PRKCA: variants seen among roughly 807,000 people sequenced by gnomAD.
PRKCA encodes the protein protein kinase C alpha.
PRKCA carries 27 observed loss-of-function variants against 87.0 expected under a neutral mutation model. The observed-to-expected ratio is 0.31, with a 90% CI of 0.23 to 0.43. The LOEUF (loss-of-function observed/expected upper bound fraction) is 0.43, where lower values mean the gene tolerates loss of function less well. Among genes scored for constraint, PRKCA ranks in the 20% least tolerant of loss-of-function variants. The pLI, the probability that PRKCA is intolerant of heterozygous loss-of-function variation, is 1.00. For missense variants in PRKCA, 518 were observed against 852.3 expected, an observed-to-expected ratio of 0.61 and a Z score of 4.88; for synonymous variants, 329 against 311.1, an observed-to-expected ratio of 1.06 and a Z score of -0.61.
At chr17:66,679,464 G>A (rs1972431569) in intron 5 of PRKCA, among the ~76,000 whole-genome samples, 6 of 152,176 alleles carry the variant, frequency 3.9e-5, no homozygotes, top group Admixed American at 3.9e-4. Context: ...TACAGGTTGA[G>A]CCACCGTGCC....
At chr17:66,715,739 T>A (rs1301895834) in intron 8 of PRKCA, among the ~76,000 whole-genome samples, 3 of 152,212 alleles carry the variant, frequency 2.0e-5, no homozygotes, top group Admixed American at 6.5e-5. Context: ...ATACAGTTTT[T>A]TTTTTGCATC....
At chr17:66,787,289 A>G (rs941519516) in intron 15 of PRKCA, 29 of 451,416 alleles carry the variant, frequency 6.4e-5, no homozygotes, top group Non-Finnish European at 1.2e-4. Context: ...GCAGTGTTCC[A>G]CTGTGTGAAC....
chr17:66,751,946 G>T (rs886779576), intron 13 of PRKCA, among the ~76,000 whole-genome samples: 11 of 152,256 alleles, frequency 7.2e-5, no homozygotes, highest in Non-Finnish European at 2.9e-5. Context: ...CTAGGCGGAT[G>T]ATGCTAAACC....
intron 13 of PRKCA, among the ~76,000 whole-genome samples, chr17:66,761,314 G>A (rs1479033912): frequency 6.7e-6 from 1 of 148,372 alleles, no homozygotes; most frequent in Non-Finnish European, 1.5e-5. Context: ...AGGTTGCAGT[G>A]AGCCAAGATC....
chr17:66,744,648 C>T (rs545630095), intron 13 of PRKCA, among the ~76,000 whole-genome samples: 6 of 152,150 alleles, frequency 3.9e-5, no homozygotes, highest in South Asian at 2.1e-4. Flanking sequence ...TTTGTTGTTG[C>T]GGTTCGGTAT....
chr17:66,798,452 A>G (rs1047449074), intron 16 of PRKCA, among the ~76,000 whole-genome samples: 140 of 8,938 alleles, frequency 0.016, no homozygotes, highest in Admixed American at 0.027. Flanking sequence ...GGTGGTGGTG[A>G]CGGTGGTGGT....
chr17:66,496,229 C>T lies in PRKCA; in HGVS notation c.234C>T (p.Cys78=), dbSNP rs1390712578. The T allele has an allele frequency of 9.9e-6, 16 of 1,613,928 alleles. No homozygotes were observed. Among genetic ancestry groups the T allele is most frequent in the Middle Eastern group, 1.6e-4 (1 of 6,080 alleles). ...GCTGTTTTGTGGTCCACAAGAGGTG[C>T]CATGAATTTGTTACTTTTTCTTGTC... ...QVCCFVVHKR[C]HEFVTFSCPG... Residue 78 remains cysteine (C), a synonymous_variant, in exon 3 of 17, where the codon TGC becomes TGT. Coordinates refer to ENST00000413366, the MANE Select transcript of PRKCA (RefSeq NM_002737.3).
intron 3 of PRKCA, among the ~76,000 whole-genome samples, chr17:66,560,566 G>A (rs1410310620): frequency 2.0e-5 from 3 of 152,116 alleles, no homozygotes; most frequent in African/African-American, 7.2e-5. Flanking sequence ...TGGAATCTCT[G>A]TTTTCTCTTC....
chr17:66,685,535 C>T (rs1972603414), intron 5 of PRKCA, among the ~76,000 whole-genome samples: 1 of 152,226 alleles, frequency 6.6e-6, no homozygotes, highest in African/African-American at 2.4e-5. Flanking sequence ...CCCTCCCCCT[C>T]TGTATTTGAA....
At chr17:66,461,138 C>T (rs1447688953) in intron 2 of PRKCA, among the ~76,000 whole-genome samples, 5 of 146,690 alleles carry the variant, frequency 3.4e-5, no homozygotes, top group African/African-American at 1.3e-4. Context: ...CCCAGGAATT[C>T]GAGGCTGCGG....
intron 2 of PRKCA, among the ~76,000 whole-genome samples, chr17:66,478,545 C>T (rs1180200250): frequency 6.6e-5 from 10 of 152,098 alleles, no homozygotes; most frequent in Non-Finnish European, 1.5e-4. Flanking sequence ...TGGACCACCG[C>T]GCCCAGCCCA....
chr17:66,593,148 G>A (rs988648580), intron 3 of PRKCA, among the ~76,000 whole-genome samples: 1 of 152,152 alleles, frequency 6.6e-6, no homozygotes, highest in Non-Finnish European at 1.5e-5. Context: ...TGATCTTGAG[G>A]TTGCGTCAGG....
intron 3 of PRKCA, among the ~76,000 whole-genome samples, chr17:66,595,460 C>T (rs1250207107): frequency 4.2e-5 from 4 of 96,002 alleles, no homozygotes; most frequent in African/African-American, 1.7e-4. Flanking sequence ...TTTTCTTTTC[C>T]TTCTTTTTTT....
chr17:66,360,144 G>A (rs895123514), intron 2 of PRKCA, among the ~76,000 whole-genome samples: 6 of 152,054 alleles, frequency 3.9e-5, no homozygotes, highest in Non-Finnish European at 7.4e-5. Flanking sequence ...CTCAAACATC[G>A]CCGAACTTGA....
chr17:66,342,711 T>C (rs1195869130), intron 2 of PRKCA, among the ~76,000 whole-genome samples: 4 of 152,100 alleles, frequency 2.6e-5, no homozygotes, highest in Non-Finnish European at 5.9e-5. Context: ...GATAGTAGAT[T>C]TAACTGATTC....
At chr17:66,342,440 TAAATAATAATAA>T (rs1377103717) in intron 2 of PRKCA, among the ~76,000 whole-genome samples, 2 of 84,230 alleles carry the variant, frequency 2.4e-5, no homozygotes, top group Non-Finnish European at 4.7e-5. Context: ...TAAAATAAAA[TAAATAATAATAA>T]TAATAATAAT....
intron 8 of PRKCA, among the ~76,000 whole-genome samples, chr17:66,700,741 G>C (rs1973039833): frequency 6.6e-6 from 1 of 152,086 alleles, no homozygotes; most frequent in Non-Finnish European, 1.5e-5. Flanking sequence ...ATTTAACCGA[G>C]GAGGTGAAAT....
intron 16 of PRKCA, among the ~76,000 whole-genome samples, chr17:66,795,564 C>G (rs1370824242): frequency 1.3e-5 from 2 of 152,162 alleles, no homozygotes; most frequent in African/African-American, 4.8e-5. Context: ...TACTTTTCTG[C>G]TTAGCAGAGA....
chr17:66,493,426 T>C (rs1215193905), intron 2 of PRKCA, among the ~76,000 whole-genome samples: 1 of 152,014 alleles, frequency 6.6e-6, no homozygotes, highest in African/African-American at 2.4e-5. Context: ...CCAGTGCATA[T>C]GACATGATGA....
Sources: gnomAD v4.1 joint callset for allele counts (sites outside exome capture counted in the v4.1 genomes callset) on GRCh38, gnomAD v4.1.1 for gene constraint, MANE v1.5 for transcripts, NCBI Gene and HGNC (gene_info 2026-07-23, HGNC 2026-07-21) for gene names.